The following IMMP2L variants were observed in gnomAD, a reference collection of about 807,000 sequenced individuals.
IMMP2L encodes mitochondrial inner membrane protease subunit 2.
In IMMP2L, 18 loss-of-function variants were observed where a neutral mutation model predicts 19.3. That is an observed-to-expected ratio of 0.93 (90% CI 0.64 to 1.38). IMMP2L has a LOEUF of 1.38. IMMP2L is among the 40% of genes most tolerant of loss of function. IMMP2L has a pLI of 0.00. For missense variants in IMMP2L, 233 were observed against 218.2 expected (o/e 1.07, Z -0.43); for synonymous variants, 76 against 73.0 (o/e 1.04, Z -0.21).
intron 5 of IMMP2L, among the ~76,000 whole-genome samples, chr7:110,668,043 C>T (rs1173509927): frequency 6.6e-6 from 1 of 152,012 alleles, no homozygotes; most frequent in Non-Finnish European, 1.5e-5. Flanking sequence ...GTGCACCTTG[C>T]TTTTACTCTC....
In IMMP2L at chr7:110,888,252, A is replaced by G. The variant is rs79177219; in HGVS notation, c.306-1557T>C. On this transcript the variant is annotated intron_variant, in intron 4 of 5. Coordinates refer to ENST00000405709, the MANE Select transcript of IMMP2L (RefSeq NM_032549.4). ...TACTCTGTAATATAAGTGTTCTTCA[A>G]TTAAAATCAGTCAATTAGTTCCTGA... 2.0e-5 allele frequency among the ~76,000 whole-genome samples: 3 copies of G among 152,220 alleles called. No individual in the cohort carries two copies. In the South Asian group the frequency reaches 6.2e-4, roughly 31 times the overall value.
At position 111,311,544 on chromosome 7, in the gene IMMP2L, T is replaced by C. The variant is rs563057139; in HGVS notation, c.239+175694A>G. 5.4e-4 allele frequency among the ~76,000 whole-genome samples: 82 copies of C among 152,232 alleles called. 1 individual carries two copies. In the Middle Eastern group the frequency reaches 0.01, roughly 19 times the overall value. ...TGACTGAGATCACACTGGGGACAAC[T>C]TGAAGAAAGATTTTTGGTATGTATT... On this transcript the variant is annotated intron_variant, in intron 3 of 5. Coordinates refer to ENST00000405709, the MANE Select transcript of IMMP2L (RefSeq NM_032549.4).
At chr7:110,679,646 G>A (rs1440611427) in intron 5 of IMMP2L, among the ~76,000 whole-genome samples, 1 of 152,076 alleles carries the variant, frequency 6.6e-6, no homozygotes, top group East Asian at 1.9e-4. Context: ...CGCTGCTGTG[G>A]TGAATGCAGC....
intron 5 of IMMP2L, among the ~76,000 whole-genome samples, chr7:110,854,566 C>T (rs1485523598): frequency 6.6e-6 from 1 of 151,860 alleles, no homozygotes; most frequent in African/African-American, 2.4e-5. Flanking sequence ...TCCATATTGA[C>T]CTCAAATCCC....
chr7:111,467,522 G>A (rs774721515), intron 3 of IMMP2L, among the ~76,000 whole-genome samples: 4 of 152,226 alleles, frequency 2.6e-5, no homozygotes, highest in Middle Eastern at 3.4e-3. Flanking sequence ...AATGTTCAAA[G>A]ATGGCTGGTA....
At chr7:111,518,028 C>G (rs1038778470) in intron 2 of IMMP2L, among the ~76,000 whole-genome samples, 3 of 152,030 alleles carry the variant, frequency 2.0e-5, no homozygotes, top group Non-Finnish European at 4.4e-5. Context: ...ACCAATGCAT[C>G]ATTAGAAACT....
At chr7:111,147,448 A>G (rs1006224021) in intron 3 of IMMP2L, among the ~76,000 whole-genome samples, 2 of 152,164 alleles carry the variant, frequency 1.3e-5, no homozygotes, top group African/African-American at 4.8e-5. Context: ...AGAGACTTGT[A>G]AACTGGAAGG....
Position 110,854,351 on chromosome 7 carries a change from G to C in IMMP2L, c.408+32242C>G, listed in dbSNP as rs534358215. On this transcript the variant is annotated intron_variant, in intron 5 of 5. Transcript: ENST00000405709. The stretch of plus-strand genomic sequence containing the variant: ...CCTCTGGAATGAATCCTATGGAATG[G>C]TAATAGTGAACAGACACTAAATCAT... Among the ~76,000 whole-genome samples, 68 of 151,994 alleles carry C rather than the reference G, an allele frequency of 4.5e-4. 1 individual carries two copies. The highest frequency in any genetic ancestry group is 1.5e-3 in the African/African-American group (62 of 41,520).
At chr7:111,036,320 TC>T (rs1410782080) in intron 3 of IMMP2L, among the ~76,000 whole-genome samples, 1 of 152,142 alleles carries the variant, frequency 6.6e-6, no homozygotes, top group Non-Finnish European at 1.5e-5. Context: ...TATCTAGGCC[TC>T]CCAGAAAGCC....
intron 3 of IMMP2L, among the ~76,000 whole-genome samples, chr7:111,332,433 C>G (rs765116614): frequency 1.3e-5 from 2 of 151,798 alleles, no homozygotes; most frequent in Non-Finnish European, 2.9e-5. Flanking sequence ...TTAAATGTAA[C>G]AAAGAAGGAC....
At chr7:110,836,455 C>A (rs1163365290) in intron 5 of IMMP2L, among the ~76,000 whole-genome samples, 1 of 152,108 alleles carries the variant, frequency 6.6e-6, no homozygotes, top group Non-Finnish European at 1.5e-5. Context: ...TCTCACGAAT[C>A]TGATGGTTTT....
chr7:111,037,673 C>A (rs948461722), intron 3 of IMMP2L, among the ~76,000 whole-genome samples: 7 of 152,100 alleles, frequency 4.6e-5, no homozygotes, highest in African/African-American at 1.7e-4. Flanking sequence ...ATTATTCAAG[C>A]ATTTACTTTC....
At chr7:111,003,199 A>C (rs1042850268) in intron 3 of IMMP2L, among the ~76,000 whole-genome samples, 1 of 152,170 alleles carries the variant, frequency 6.6e-6, no homozygotes, top group African/African-American at 2.4e-5. Flanking sequence ...TATTACTAAT[A>C]ATTTGCTTGC....
chr7:110,965,442 CA>C (rs137855609), intron 3 of IMMP2L, among the ~76,000 whole-genome samples: 4,243 of 152,012 alleles, frequency 0.028, 186 homozygotes, highest in African/African-American at 0.097. Flanking sequence ...TTATTTGTAA[CA>C]ATTAGTTTCA....
chr7:111,085,824 A>C (rs558640329), intron 3 of IMMP2L, among the ~76,000 whole-genome samples: 1 of 152,314 alleles, frequency 6.6e-6, no homozygotes, highest in Non-Finnish European at 1.5e-5. Context: ...GAACAAGATC[A>C]TGTCTGTTGC....
Position 110,873,832 on chromosome 7 carries a change from GTC to G in IMMP2L, c.408+12759_408+12760del, listed in dbSNP as rs536180867. Reference sequence around the variant, plus strand: ...TGCAAGAGGTGATATTCATCTCTCTGTCTCTCTTTTTCTGTGAAAGGTTACTA... The same window carrying G: ...TGCAAGAGGTGATATTCATCTCTCTGTCTCTTTTTCTGTGAAAGGTTACTA... On this transcript the variant is annotated intron_variant, in intron 5 of 5. Transcript: ENST00000405709. 3.9e-3 allele frequency among the ~76,000 whole-genome samples: 590 copies of G among 151,776 alleles called. 1 individual carries two copies. The highest frequency in any genetic ancestry group is 5.9e-3 in the Non-Finnish European group (403 of 67,928).
intron 3 of IMMP2L, among the ~76,000 whole-genome samples, chr7:111,166,263 G>T (rs981633796): frequency 6.6e-6 from 1 of 151,928 alleles, no homozygotes; most frequent in Non-Finnish European, 1.5e-5. Context: ...TCTCTACATA[G>T]ATTTAAATTC....
At chr7:111,404,891 T>C (rs542496892) in intron 3 of IMMP2L, among the ~76,000 whole-genome samples, 4 of 152,152 alleles carry the variant, frequency 2.6e-5, no homozygotes, top group African/African-American at 9.6e-5. Flanking sequence ...AACTCCAAAA[T>C]GCAACCCAAA....
intron 5 of IMMP2L, among the ~76,000 whole-genome samples, chr7:110,681,320 A>G (rs925447278): frequency 2.0e-5 from 3 of 152,066 alleles, no homozygotes. Flanking sequence ...AGAAATTGTA[A>G]TTTTGTTAAG....
Sources: allele counts gnomAD v4.1 joint callset (sites outside exome capture counted in the v4.1 genomes callset), GRCh38; gene constraint gnomAD v4.1.1; transcripts MANE v1.5; gene names NCBI Gene and HGNC (gene_info 2026-07-23, HGNC 2026-07-21).